The following MTIF2 variants were observed in gnomAD, a reference collection of about 807,000 sequenced individuals.
The protein encoded by MTIF2 is mitochondrial translational initiation factor 2.
In MTIF2, 71 loss-of-function variants were observed where a neutral mutation model predicts 83.5. That is an observed-to-expected ratio of 0.85 (90% CI 0.70 to 1.04). The LOEUF is 1.04. Among genes scored for constraint, MTIF2 ranks in the 50% least tolerant of loss-of-function variants. The pLI is 0.00. For synonymous variants in MTIF2, 319 were observed against 287.1 expected, an observed-to-expected ratio of 1.11 and a Z score of -1.12; for missense variants, 957 against 846.5, an observed-to-expected ratio of 1.13 and a Z score of -1.62.
In MTIF2 at chr2:55,244,036, T is replaced by G. The variant is rs769038174; in HGVS notation, c.1304A>C (p.Glu435Ala). The G allele has an allele frequency of 4.3e-6, 7 of 1,613,734 alleles. No individual in the cohort carries two copies. The highest frequency in any genetic ancestry group is 5.9e-6 in the Non-Finnish European group (7 of 1,179,756). ...GAATTAAGCTTGATACACCTCAGAT[T>G]CTACTTCAAGAATTTCTTCTCCTGC... Reference protein sequence around the residue: ...PSAGEEILEVESEPRAREVVD... With the variant: ...PSAGEEILEVASEPRAREVVD... The change falls in exon 11 of 16, where the codon GAA becomes GCA. Residue 435 changes from glutamate (E) to alanine (A), a missense_variant. Physicochemically the swap from Glu to Ala is moderately radical, Grantham distance 107. Coordinates refer to ENST00000263629, the MANE Select transcript of MTIF2 (RefSeq NM_002453.3).
rs771784240 is a variant in MTIF2, at chr2:55,263,755, T to A, written c.104A>T (p.His35Leu). Residue 35 changes from histidine (H) to leucine (L), a missense_variant, in exon 4 of 16, where the codon CAT (histidine) becomes CTT (leucine). By Grantham distance (99) the His-to-Leu change is moderately conservative. This residue lies in a region of MTIF2 where 733 missense variants were observed against 648.7 expected (regional missense o/e 1.13). Transcript: ENST00000263629. ...CACAGGGTAAGCAGATGAAAACCCA[T>A]GCCTCCACTGTCTTAATGCTCTTCT... ...CQRRALRQWR[H>L]GFSSAYPVWT... 1.9e-6 allele frequency: 3 copies of A among 1,614,172 alleles called. No individual in the cohort carries two copies. Among genetic ancestry groups the A allele is most frequent in the Non-Finnish European group, 2.5e-6 (3 of 1,180,026 alleles).
chr2:55,266,695 C>G (rs1207687527), intron 3 of MTIF2, among the ~76,000 whole-genome samples: 1 of 141,638 alleles, frequency 7.1e-6, no homozygotes, highest in Non-Finnish European at 1.5e-5. Context: ...TTGATGTGAC[C>G]AAAGAAATTA....
At chr2:55,266,819 G>GTT (rs1678471908) in intron 3 of MTIF2, among the ~76,000 whole-genome samples, 1 of 139,318 alleles carries the variant, frequency 7.2e-6, no homozygotes, top group African/African-American at 2.7e-5. Flanking sequence ...CCAGGGTGGA[G>GTT]TTCAGTGGTG....
At chr2:55,267,954 T>C (rs1187345479) in intron 2 of MTIF2, among the ~76,000 whole-genome samples, 2 of 152,022 alleles carry the variant, frequency 1.3e-5, no homozygotes, top group African/African-American at 2.4e-5. Flanking sequence ...ATAAACACAT[T>C]AAGATTTAGA....
intron 5 of MTIF2, among the ~76,000 whole-genome samples, chr2:55,255,278 G>C (rs1214580947): frequency 6.6e-6 from 1 of 150,588 alleles, no homozygotes; most frequent in Non-Finnish European, 1.5e-5. Context: ...ACTGTTCTGA[G>C]GGGAAATATA....
Position 55,252,578 on chromosome 2 carries a change from C to G in MTIF2, c.740G>C (p.Arg247Thr). 6.2e-7 allele frequency: 1 copy of G among 1,614,116 alleles called. No individual in the cohort carries two copies. The highest frequency in any genetic ancestry group is 8.5e-7 in the Non-Finnish European group (1 of 1,179,942). ...GHAAFSAMRA[R>T]GAQVTDIVVL... ...GACAATGTCAGTGACCTGAGCACCT[C>G]TGGCTCTCATTGCTGAGAAAGCAGC... The change falls in exon 8 of 16, where the codon AGA (arginine) becomes ACA (threonine). Residue 247 changes from arginine to threonine, a missense_variant. By Grantham distance (71) the Arg-to-Thr change is moderately conservative. This residue lies in a region of MTIF2 where 733 missense variants were observed against 648.7 expected (regional missense o/e 1.13). Coordinates refer to ENST00000263629, the MANE Select transcript of MTIF2 (RefSeq NM_002453.3).
intron 9 of MTIF2, among the ~76,000 whole-genome samples, chr2:55,247,917 G>T (rs1191699216): frequency 2.6e-5 from 4 of 151,978 alleles, no homozygotes; most frequent in Middle Eastern, 6.8e-3. Context: ...TTTAGACAAG[G>T]TCTCACTCTG....
intron 8 of MTIF2, among the ~76,000 whole-genome samples, chr2:55,249,884 G>A (rs1357572069): frequency 1.3e-5 from 2 of 152,114 alleles, no homozygotes; most frequent in Non-Finnish European, 2.9e-5. Flanking sequence ...CTGAGGTCAG[G>A]AGTTTGAGAT....
chr2:55,236,979 T>G (rs1184502102), intron 15 of MTIF2, among the ~76,000 whole-genome samples, 159 bp from the exon 16 acceptor site: 3 of 152,200 alleles, frequency 2.0e-5, no homozygotes, highest in Non-Finnish European at 2.9e-5. Context: ...GGGAACCCCC[T>G]CAAAAATGAA....
At chr2:55,260,646 A>G (rs1376301899) in intron 5 of MTIF2, among the ~76,000 whole-genome samples, 1 of 152,172 alleles carries the variant, frequency 6.6e-6, no homozygotes, top group Non-Finnish European at 1.5e-5. Context: ...GCTCTCCCAC[A>G]AACTAGCTGG....
intron 5 of MTIF2, among the ~76,000 whole-genome samples, chr2:55,255,623 A>T (rs1295077990): frequency 6.6e-6 from 1 of 151,518 alleles, no homozygotes; most frequent in Non-Finnish European, 1.5e-5. Flanking sequence ...TCTTGGGCTT[A>T]GGAACACTAG....
At chr2:55,259,489 G>A (rs1332387313) in intron 5 of MTIF2, among the ~76,000 whole-genome samples, 3 of 101,964 alleles carry the variant, frequency 2.9e-5, no homozygotes, top group Admixed American at 2.5e-4. Flanking sequence ...GTGTATAGGG[G>A]TAGGGGGTAA....
intron 5 of MTIF2, among the ~76,000 whole-genome samples, chr2:55,258,640 C>T (rs1200509288): frequency 6.6e-6 from 1 of 151,982 alleles, no homozygotes; most frequent in African/African-American, 2.4e-5. Flanking sequence ...GCTGAAACCT[C>T]GTCTCTAATA....
chr2:55,255,880 TTC>T (rs1184264221), intron 5 of MTIF2, among the ~76,000 whole-genome samples: 95 of 152,192 alleles, frequency 6.2e-4, no homozygotes, highest in African/African-American at 2.2e-3. Flanking sequence ...ACTGATTTTT[TTC>T]TCTTTTTTTT....
At chr2:55,245,584 A>C (rs1336913830) in intron 10 of MTIF2, among the ~76,000 whole-genome samples, 6 of 152,186 alleles carry the variant, frequency 3.9e-5, no homozygotes, top group African/African-American at 1.4e-4. Context: ...CCAAGGGCTC[A>C]GGAGAGGGAC....
rs955946801 is a variant in MTIF2 at position 55,264,749 on chromosome 2, A to G, written c.-7-884T>C. ...CTTTATAGTAGGAAGAAGACACCCA[A>G]TATTTATTGAATAATGCCTTTTGAG... On this transcript the variant is annotated intron_variant, in intron 3 of 15. Transcript: ENST00000263629. Among the ~76,000 whole-genome samples, 3 of 152,186 alleles carry G rather than the reference A, an allele frequency of 2.0e-5. No individual in the cohort carries two copies. In the East Asian group the frequency reaches 5.8e-4, roughly 29 times the overall value.
intron 12 of MTIF2, 30 bp from the exon 13 acceptor site, chr2:55,243,110 C>T: frequency 6.4e-7 from 1 of 1,565,778 alleles, no homozygotes; most frequent in Non-Finnish European, 8.6e-7. Context: ...ATAATTGTTG[C>T]TTTTAAGAGT....
intron 14 of MTIF2, 148 bp downstream of exon 14, chr2:55,239,863 A>T (rs1676169367): frequency 1.6e-6 from 1 of 635,216 alleles, no homozygotes; most frequent in African/African-American, 1.8e-5. Context: ...ATAAGAAGTT[A>T]CAATGGATTC....
At chr2:55,237,246 G>C (rs750985005) in intron 15 of MTIF2, 42 bp downstream of exon 15, 1 of 1,575,224 alleles carries the variant, frequency 6.3e-7, no homozygotes, top group South Asian at 1.2e-5. Context: ...ACAGGTCTTG[G>C]TGACTGGATA....
Sources: gnomAD v4.1 joint callset for allele counts (sites outside exome capture counted in the v4.1 genomes callset) on GRCh38, gnomAD v4.1.1 for gene constraint, gnomAD v4.1.1 regional missense constraint, MANE v1.5 for transcripts, NCBI Gene and HGNC (gene_info 2026-07-23, HGNC 2026-07-21) for gene names.